Variants in SRPK2 observed in about 807,000 individuals in gnomAD.
SRPK2 encodes SFRS protein kinase 2.
A neutral mutation model predicts 90.8 loss-of-function variants in SRPK2; 21 were observed. The ratio of observed to expected loss-of-function variants is 0.23; its 90% confidence interval spans 0.16 to 0.33. The LOEUF (loss-of-function observed/expected upper bound fraction) is 0.33, where lower values mean the gene tolerates loss of function less well. SRPK2 is among the 10% of genes least tolerant of loss of function. SRPK2 has a pLI of 1.00. For missense variants in SRPK2, 620 were observed against 869.0 expected (o/e 0.71, Z 3.60); for synonymous variants, 288 against 311.1 (o/e 0.93, Z 0.78).
intron 15 of SRPK2, among the ~76,000 whole-genome samples, chr7:105,124,287 T>C (rs1343422630): frequency 2.6e-5 from 4 of 152,182 alleles, no homozygotes; most frequent in Non-Finnish European, 5.9e-5. Flanking sequence ...CTTTCCTTCC[T>C]TCCCGCTGTG....
chr7:105,142,784 C>A (rs1469334120), intron 10 of SRPK2, among the ~76,000 whole-genome samples: 1 of 152,170 alleles, frequency 6.6e-6, no homozygotes, highest in Non-Finnish European at 1.5e-5. Flanking sequence ...ACTTGTGGTG[C>A]ATTACAGTTA....
chr7:105,312,540 G>A (rs1443997166), intron 2 of SRPK2, among the ~76,000 whole-genome samples: 1 of 151,008 alleles, frequency 6.6e-6, no homozygotes, highest in Non-Finnish European at 1.5e-5. Flanking sequence ...TAAATTTCCA[G>A]AATAGGTAAA....
downstream of SRPK2, chr7:105,116,336 T>C (rs1385654025): frequency 1.3e-5 from 2 of 152,456 alleles, no homozygotes; most frequent in Non-Finnish European, 2.9e-5. Context: ...CAAATGTTCA[T>C]TGATTCTATC....
At chr7:105,369,769 T>C (rs1819494624) in intron 2 of SRPK2, among the ~76,000 whole-genome samples, 1 of 152,156 alleles carries the variant, frequency 6.6e-6, no homozygotes. Flanking sequence ...GGCTCACCCC[T>C]GTAATCCCAG....
intron 2 of SRPK2, among the ~76,000 whole-genome samples, chr7:105,207,031 A>T (rs572550857): frequency 4.6e-5 from 7 of 152,186 alleles, no homozygotes; most frequent in Non-Finnish European, 8.8e-5. Flanking sequence ...ATTCTTTTTC[A>T]TCCCTCCATC....
intron 2 of SRPK2, chr7:105,304,414 A>G (rs780338183): frequency 6.6e-6 from 1 of 152,040 alleles, no homozygotes; most frequent in Non-Finnish European, 1.5e-5. Flanking sequence ...CTTGGGGTAC[A>G]ATGGCAGCAT....
At chr7:105,327,244 A>G (rs1358887437) in intron 2 of SRPK2, among the ~76,000 whole-genome samples, 1 of 152,214 alleles carries the variant, frequency 6.6e-6, no homozygotes, top group African/African-American at 2.4e-5. Flanking sequence ...AATCAATGGA[A>G]TATTTCATGA....
intron 1 of SRPK2, among the ~76,000 whole-genome samples, chr7:105,398,446 C>A (rs1760041883): frequency 6.7e-6 from 1 of 150,256 alleles, no homozygotes; most frequent in Non-Finnish European, 1.5e-5. Context: ...TGCAATGGCG[C>A]AACCTCAGCT....
At chr7:105,239,005 A>C (rs948742986) in intron 2 of SRPK2, among the ~76,000 whole-genome samples, 1 of 152,166 alleles carries the variant, frequency 6.6e-6, no homozygotes, top group Non-Finnish European at 1.5e-5. Context: ...CATCCAATAC[A>C]CTTCTAAGAA....
At chr7:105,383,725 G>C (rs961135959) in intron 2 of SRPK2, among the ~76,000 whole-genome samples, 6 of 152,060 alleles carry the variant, frequency 3.9e-5, no homozygotes, top group African/African-American at 9.7e-5. Flanking sequence ...GCCAGAAATA[G>C]AAAAATTTTA....
At chr7:105,285,330 A>G (rs1427187546) in intron 2 of SRPK2, among the ~76,000 whole-genome samples, 1 of 150,140 alleles carries the variant, frequency 6.7e-6, no homozygotes, top group Non-Finnish European at 1.5e-5. Flanking sequence ...GGTTACAGCA[A>G]GCCAACATCG....
At chr7:105,361,381 T>C (rs1280319864) in intron 2 of SRPK2, among the ~76,000 whole-genome samples, 1 of 152,068 alleles carries the variant, frequency 6.6e-6, no homozygotes, top group African/African-American at 2.4e-5. Context: ...ATCAATATCG[T>C]GAAAATGGCC....
intron 2 of SRPK2, among the ~76,000 whole-genome samples, chr7:105,383,648 G>A (rs1440716052): frequency 6.6e-6 from 1 of 151,628 alleles, no homozygotes. Context: ...TCGAACTATT[G>A]ACCTCGTGAT....
chr7:105,300,415 T>C (rs1810399827), intron 2 of SRPK2, among the ~76,000 whole-genome samples: 1 of 152,102 alleles, frequency 6.6e-6, no homozygotes, highest in Non-Finnish European at 1.5e-5. Context: ...ACAAAACTGA[T>C]TTTCTGCCAC....
At chr7:105,331,643 T>C (rs921503935) in intron 2 of SRPK2, among the ~76,000 whole-genome samples, 2 of 152,176 alleles carry the variant, frequency 1.3e-5, no homozygotes, top group African/African-American at 4.8e-5. Flanking sequence ...GGCCCTGATT[T>C]TTCAGAGTTT....
At chr7:105,359,543 A>G (rs568688095) in intron 2 of SRPK2, among the ~76,000 whole-genome samples, 37 of 152,296 alleles carry the variant, frequency 2.4e-4, no homozygotes, top group Admixed American at 7.9e-4. Flanking sequence ...AGCAGTCTTC[A>G]ATAATCAGAA....
chr7:105,294,710 G>A (rs1809556980), intron 2 of SRPK2, among the ~76,000 whole-genome samples: 1 of 151,970 alleles, frequency 6.6e-6, no homozygotes, highest in Non-Finnish European at 1.5e-5. Flanking sequence ...ATTTTTAGTA[G>A]AGACAGGATT....
At chr7:105,149,189 G>A (rs548726523) in intron 7 of SRPK2, among the ~76,000 whole-genome samples, 25 of 152,218 alleles carry the variant, frequency 1.6e-4, no homozygotes, top group African/African-American at 5.3e-4. Flanking sequence ...TGAATGTCTC[G>A]GTATAAAACC....
At chr7:105,247,871 CTTT>C (rs201687224) in intron 2 of SRPK2, among the ~76,000 whole-genome samples, 4 of 139,356 alleles carry the variant, frequency 2.9e-5, no homozygotes, top group Non-Finnish European at 3.1e-5. Context: ...CCTTAACAAT[CTTT>C]TTTTTTTTTT....
Sources: gnomAD v4.1 joint callset for allele counts (sites outside exome capture counted in the v4.1 genomes callset) on GRCh38, gnomAD v4.1.1 for gene constraint, MANE v1.5 for transcripts, NCBI Gene and HGNC (gene_info 2026-07-23, HGNC 2026-07-21) for gene names.